The following ADGB variants were observed in gnomAD, a reference collection of about 807,000 sequenced individuals.
ADGB encodes calpain-7-like protein.
Under a neutral mutation model 210.5 loss-of-function variants are expected in ADGB, and 172 were observed. The ratio of observed to expected loss-of-function variants is 0.82; its 90% CI spans 0.72 to 0.93. ADGB has a LOEUF of 0.93. ADGB is among the 40% of genes least tolerant of loss of function. The probability of loss-of-function intolerance (pLI) is 0.00; values close to 1 mark genes in which losing one functional copy is unlikely to be tolerated. For missense variants in ADGB, 2,025 were observed against 1,964.8 expected, an observed-to-expected ratio of 1.03 and a Z score of -0.58; for synonymous variants, 658 against 662.7, an observed-to-expected ratio of 0.99 and a Z score of 0.11.
intron 2 of ADGB, among the ~76,000 whole-genome samples, chr6:146,637,626 C>G (rs914841875): frequency 6.6e-6 from 1 of 152,054 alleles, no homozygotes; most frequent in Non-Finnish European, 1.5e-5. Flanking sequence ...AAAGTTACAC[C>G]AGCCCTACCA....
At chr6:146,791,162 T>G (rs538097823) in intron 33 of ADGB, among the ~76,000 whole-genome samples, 15 of 152,306 alleles carry the variant, frequency 9.8e-5, no homozygotes, top group African/African-American at 3.6e-4. Context: ...TTTTCATTGT[T>G]TCATTTGCAC....
chr6:146,809,742 G>A (rs945612945), intron 35 of ADGB, among the ~76,000 whole-genome samples: 5 of 152,048 alleles, frequency 3.3e-5, no homozygotes, highest in African/African-American at 1.2e-4. Flanking sequence ...AAATGATGTT[G>A]GGAAAACTAA....
At chr6:146,770,192 T>A (rs1777630400) in intron 29 of ADGB, among the ~76,000 whole-genome samples, 1 of 152,198 alleles carries the variant, frequency 6.6e-6, no homozygotes, top group Non-Finnish European at 1.5e-5. Context: ...ATTTATTAAT[T>A]GCCAACAACT....
intron 8 of ADGB, among the ~76,000 whole-genome samples, chr6:146,674,141 A>G (rs6923590): frequency 0.014 from 2,085 of 152,246 alleles, 56 homozygotes; most frequent in African/African-American, 0.047. Context: ...TCTCAATTAC[A>G]ATTTGTGATA....
chr6:146,664,084 A>G, intron 5 of ADGB, 117 bp from the exon 6 acceptor site: 2 of 991,266 alleles, frequency 2.0e-6, no homozygotes, highest in Non-Finnish European at 2.9e-6. Context: ...TTTCAGTGTA[A>G]GATGCTAAAA....
At chr6:146,796,785 C>T (rs996202671) in intron 33 of ADGB, among the ~76,000 whole-genome samples, 1 of 151,182 alleles carries the variant, frequency 6.6e-6, no homozygotes, top group Admixed American at 6.6e-5. Flanking sequence ...CAGAAAAACC[C>T]CTTAGGCAAA....
chr6:146,803,421 T>C (rs1182617435), intron 35 of ADGB: 3 of 1,607,996 alleles, frequency 1.9e-6, no homozygotes, highest in African/African-American at 1.3e-5. Context: ...ATTTGCCATG[T>C]CACAGCCCCC....
At chr6:146,650,507 C>T (rs908199029) in intron 3 of ADGB, among the ~76,000 whole-genome samples, 16 of 147,842 alleles carry the variant, frequency 1.1e-4, no homozygotes, top group Middle Eastern at 3.5e-3. Flanking sequence ...AGCTGGAGTC[C>T]CAGGTAAACT....
intron 19 of ADGB, among the ~76,000 whole-genome samples, chr6:146,728,056 C>G (rs761243931): frequency 1.3e-5 from 2 of 152,198 alleles, no homozygotes; most frequent in Non-Finnish European, 2.9e-5. Context: ...CCACCGTACA[C>G]CAACCACAAC....
intron 23 of ADGB, 64 bp downstream of exon 23, chr6:146,736,655 T>C (rs1375015668): frequency 2.7e-6 from 3 of 1,123,692 alleles, no homozygotes; most frequent in Non-Finnish European, 3.8e-6. Context: ...CCAGTTTGAA[T>C]ACTACCATAT....
chr6:146,616,867 G>A (rs1009141011), intron 1 of ADGB, among the ~76,000 whole-genome samples: 3 of 152,076 alleles, frequency 2.0e-5, no homozygotes, highest in Admixed American at 6.6e-5. Flanking sequence ...CTATTTTGAA[G>A]TCAAGTAGTG....
At position 146,788,415 on chromosome 6, in the gene ADGB, G is replaced by T. The variant is rs1425183567; in HGVS notation, c.4342G>T (p.Glu1448Ter). ...EVETAARGVK[E>*]PNSKNSAGSE... ...AGAAACAGCTGCACGTGGCGTAAAA[G>T]AACCAAACTCAAAGAATTCTGCAGG... The change falls in exon 33 of 36, where the codon GAA becomes TAA. Residue 1448 changes from glutamate (E) to a stop codon, truncating the protein, a stop_gained. Coordinates refer to ENST00000397944, the MANE Select transcript of ADGB (RefSeq NM_024694.4). LOFTEE classifies it high-confidence loss of function. The T allele has an allele frequency of 6.4e-7, 1 of 1,551,564 alleles. No individual in the cohort carries two copies. The highest frequency in any genetic ancestry group is 1.4e-5 in the African/African-American group (1 of 73,140).
intron 7 of ADGB, among the ~76,000 whole-genome samples, chr6:146,668,786 G>T (rs1337949007): frequency 6.6e-6 from 1 of 152,006 alleles, no homozygotes; most frequent in East Asian, 1.9e-4. Context: ...ATAAAATTTT[G>T]CCTCGGAAAA....
At chr6:146,698,946 T>C (rs1776448833) in intron 12 of ADGB, among the ~76,000 whole-genome samples, 1 of 152,022 alleles carries the variant, frequency 6.6e-6, no homozygotes, top group Non-Finnish European at 1.5e-5. Flanking sequence ...ACATTGGTGA[T>C]CAGGTTTCAA....
intron 8 of ADGB, among the ~76,000 whole-genome samples, chr6:146,672,689 G>A (rs1776026532): frequency 1.3e-5 from 2 of 151,366 alleles, no homozygotes; most frequent in Non-Finnish European, 2.9e-5. Context: ...TCTTCAGCAA[G>A]CAAAGAAAGG....
intron 33 of ADGB, among the ~76,000 whole-genome samples, chr6:146,790,166 T>A (rs898876927): frequency 4.9e-4 from 74 of 152,188 alleles, no homozygotes; most frequent in African/African-American, 1.7e-3. Flanking sequence ...TTACCTCAAA[T>A]ACTTATTATT....
At chr6:146,652,016 T>C (rs1263681301) in intron 3 of ADGB, among the ~76,000 whole-genome samples, 1 of 152,174 alleles carries the variant, frequency 6.6e-6, no homozygotes, top group African/African-American at 2.4e-5. Flanking sequence ...CAGACCTGTT[T>C]ATTTCTGACA....
chr6:146,794,366 CA>C (rs1354055444), intron 33 of ADGB, among the ~76,000 whole-genome samples: 1 of 152,096 alleles, frequency 6.6e-6, no homozygotes, highest in Non-Finnish European at 1.5e-5. Context: ...GTGTTGGGAG[CA>C]AACTGAGTGG....
At chr6:146,660,454 T>TTCC (rs1050929127) in intron 5 of ADGB, among the ~76,000 whole-genome samples, 1 of 152,108 alleles carries the variant, frequency 6.6e-6, no homozygotes, top group African/African-American at 2.4e-5. Context: ...CTCCTAAGCT[T>TTCC]TCTTCTATTC....
Sources: allele counts gnomAD v4.1 joint callset (sites outside exome capture counted in the v4.1 genomes callset), GRCh38; gene constraint gnomAD v4.1.1; transcripts MANE v1.5; gene names NCBI Gene and HGNC (gene_info 2026-07-23, HGNC 2026-07-21).